Variants in KCNIP3 observed in about 807,000 individuals in gnomAD.
The protein encoded by KCNIP3 is calsenilin.
In KCNIP3, 28 loss-of-function variants were observed where a neutral mutation model predicts 35.0. The ratio of observed to expected loss-of-function variants is 0.80; its 90% CI spans 0.59 to 1.10. The LOEUF is 1.10. Among genes scored for constraint, KCNIP3 ranks in the 50% least tolerant of loss-of-function variants. The pLI, the probability that KCNIP3 is intolerant of heterozygous loss-of-function variation, is 0.00. For synonymous variants in KCNIP3, 134 were observed against 133.8 expected (o/e 1.00, Z -0.01); for missense variants, 295 against 338.4 (o/e 0.87, Z 1.01).
Position 95,338,632 on chromosome 2 carries a change from C to T in KCNIP3, c.181+28112C>T, listed in dbSNP as rs78962068. ...GTAATTCTGTGGCAAAGAACACTGTCGCCCCCAATGAAATTAGACTTGATG... is the reference window on the plus strand; with the variant it reads ...GTAATTCTGTGGCAAAGAACACTGTTGCCCCCAATGAAATTAGACTTGATG... On this transcript the variant is annotated intron_variant, in intron 2 of 8. Coordinates refer to ENST00000295225, the MANE Select transcript of KCNIP3 (RefSeq NM_013434.5). Among the ~76,000 whole-genome samples, 945 of 152,290 alleles carry T rather than the reference C, an allele frequency of 6.2e-3. 10 individuals are homozygous for T. Among genetic ancestry groups the T allele is most frequent in the African/African-American group, 0.022 (894 of 41,548 alleles).
At chr2:95,364,103 GC>G (rs1392747931) in intron 2 of KCNIP3, among the ~76,000 whole-genome samples, 1 of 152,146 alleles carries the variant, frequency 6.6e-6, no homozygotes, top group Non-Finnish European at 1.5e-5. Context: ...ATGTATCTAA[GC>G]TTTTGCCATT....
rs371878238 is a variant in KCNIP3 at position 95,382,391 on chromosome 2, C to G, written c.570C>G (p.Ile190Met). Residue 190 changes from isoleucine to methionine, a missense_variant, in exon 7 of 9, where the codon ATC becomes ATG. Physicochemically the swap from Ile to Met is conservative, Grantham distance 10. Coordinates refer to ENST00000295225, the MANE Select transcript of KCNIP3 (RefSeq NM_013434.5). This position sits in a 1 kb window ranked among gnomAD's most constrained non-coding sequence, Gnocchi z 4.5. ...GYITKEEMLAIMKSIYDMMGR... is the reference protein window; with the variant it reads ...GYITKEEMLAMMKSIYDMMGR... ...TCCCCCTCCAGGAGATGCTGGCCAT[C>G]ATGAAGTCCATCTATGACATGATGG... 3 of 1,594,508 alleles carry G rather than the reference C, an allele frequency of 1.9e-6. No individual in the cohort carries two copies. The highest frequency in any genetic ancestry group is 4.5e-5 in the East Asian group (2 of 44,020).
intron 1 of KCNIP3, among the ~76,000 whole-genome samples, chr2:95,307,495 G>T (rs1288852832): frequency 3.3e-5 from 5 of 152,222 alleles, no homozygotes; most frequent in African/African-American, 9.6e-5. Context: ...AATGGGGATC[G>T]TCTTACCGAT....
intron 2 of KCNIP3, among the ~76,000 whole-genome samples, chr2:95,353,869 G>A (rs1679588121): frequency 6.6e-6 from 1 of 152,178 alleles, no homozygotes; most frequent in African/African-American, 2.4e-5. Context: ...TGGCAACGTC[G>A]AGAGACATTT....
intron 1 of KCNIP3, among the ~76,000 whole-genome samples, chr2:95,309,428 CTTT>C (rs397734932): frequency 2.1e-5 from 3 of 140,806 alleles, no homozygotes; most frequent in African/African-American, 2.6e-5. Context: ...TGGCCCACTG[CTTT>C]TTTTTTTTTT....
chr2:95,298,828 C>T (rs1347220842), intron 1 of KCNIP3: 1 of 152,336 alleles, frequency 6.6e-6, no homozygotes, highest in African/African-American at 2.4e-5. Context: ...AACGTAGCGC[C>T]TTGCCCCAGG....
At chr2:95,353,276 C>T (rs1679573223) in intron 2 of KCNIP3, among the ~76,000 whole-genome samples, 1 of 152,212 alleles carries the variant, frequency 6.6e-6, no homozygotes, top group African/African-American at 2.4e-5. Flanking sequence ...CCAGCACTCC[C>T]CACACAACTG....
chr2:95,383,896 A>ACAGG, intron 8 of KCNIP3, 106 bp from the exon 9 acceptor site: 2 of 946,282 alleles, frequency 2.1e-6, no homozygotes, highest in African/African-American at 3.2e-5. Context: ...AGACAGACAG[A>ACAGG]CAGGCAGTCG....
In KCNIP3 at chr2:95,363,085, G is replaced by A. The variant is rs1679840434; in HGVS notation, c.182-11211G>A. On this transcript the variant is annotated intron_variant, in intron 2 of 8. Transcript: ENST00000295225. ...GCTATCTTCTTCTATTCTGTTGAGT[G>A]TCTCACTCTGACCTTTGTTGAACAG... Among the ~76,000 whole-genome samples the A allele has an allele frequency of 3.3e-5, 5 of 152,148 alleles. No homozygotes were observed. In the South Asian group the frequency reaches 1.0e-3, roughly 32 times the overall value.
chr2:95,365,073 CT>C (rs1489543311), intron 2 of KCNIP3, among the ~76,000 whole-genome samples: 1 of 151,884 alleles, frequency 6.6e-6, no homozygotes, highest in Non-Finnish European at 1.5e-5. Context: ...GAGTGAGACC[CT>C]GTCTCAAAAA....
At chr2:95,318,839 G>T (rs1017706163) in intron 2 of KCNIP3, among the ~76,000 whole-genome samples, 4 of 152,344 alleles carry the variant, frequency 2.6e-5, no homozygotes, top group Admixed American at 6.5e-5. Context: ...TTTCCAAAGA[G>T]AGATAAAATG....
At chr2:95,330,245 A>G (rs1450582338) in intron 2 of KCNIP3, among the ~76,000 whole-genome samples, 1 of 152,088 alleles carries the variant, frequency 6.6e-6, no homozygotes, top group Non-Finnish European at 1.5e-5. Context: ...CTGATTCTGA[A>G]TGGGTCCCTG....
At chr2:95,340,582 G>T (rs142922736) in intron 2 of KCNIP3, among the ~76,000 whole-genome samples, 1 of 152,190 alleles carries the variant, frequency 6.6e-6, no homozygotes, top group South Asian at 2.1e-4. Flanking sequence ...CAGCAATTTC[G>T]GCATGGCATG....
intron 2 of KCNIP3, among the ~76,000 whole-genome samples, chr2:95,334,023 C>T (rs896052452): frequency 1.3e-5 from 2 of 152,200 alleles, no homozygotes; most frequent in African/African-American, 4.8e-5. Context: ...TGGAAATTCC[C>T]CAAGACACCC....
In KCNIP3 at chr2:95,378,885, T is replaced by TAC. The variant is rs35062339; in HGVS notation, c.448-2699_448-2698dup. 0.22 allele frequency among the ~76,000 whole-genome samples: 33,074 copies of TAC among 150,546 alleles called. 4,179 individuals carry two copies. Among genetic ancestry groups the TAC allele is most frequent in the Admixed American group, 0.33 (4,920 of 15,050 alleles). On this transcript the variant is annotated intron_variant, in intron 5 of 8. Coordinates refer to ENST00000295225, the MANE Select transcript of KCNIP3 (RefSeq NM_013434.5). The surrounding 1 kb of genome is among the most constrained non-coding windows in gnomAD (Gnocchi z 4.0). ...ATATATACACACACACACATATATA[T>TAC]ACACACACACACATATATATATATA...
intron 6 of KCNIP3, among the ~76,000 whole-genome samples, chr2:95,381,977 CG>C (rs1190229384): frequency 6.6e-6 from 1 of 152,168 alleles, no homozygotes; most frequent in Non-Finnish European, 1.5e-5. Flanking sequence ...CAAAAGGCCT[CG>C]GGGAGATTTA....
intron 2 of KCNIP3, among the ~76,000 whole-genome samples, chr2:95,329,316 G>A (rs771883645): frequency 5.9e-5 from 9 of 152,248 alleles, no homozygotes; most frequent in Admixed American, 1.3e-4. Context: ...CCTGTACTTC[G>A]ACTAAGCCAA....
chr2:95,360,313 C>T (rs1679761525), intron 2 of KCNIP3, among the ~76,000 whole-genome samples: 1 of 152,198 alleles, frequency 6.6e-6, no homozygotes, highest in South Asian at 2.1e-4. Flanking sequence ...ATACCTTATT[C>T]CTCAATTCCC....
rs1382968776 is a variant in KCNIP3, at chr2:95,343,238, T to C, written c.182-31058T>C. On this transcript the variant is annotated intron_variant, in intron 2 of 8. Transcript: ENST00000295225. The stretch of plus-strand genomic sequence containing the variant: ...CAGGGTTTTGGCTGAACAGCTGAGA[T>C]GGGGAGACTTGGGAAGTGGCAGGTT... Among the ~76,000 whole-genome samples the C allele has an allele frequency of 2.6e-5, 4 of 152,014 alleles. No individual in the cohort carries two copies. The East Asian group carries it at 7.7e-4, about 29-fold the overall frequency.
Sources: gnomAD v4.1 joint callset for allele counts (sites outside exome capture counted in the v4.1 genomes callset) on GRCh38, gnomAD v4.1.1 for gene constraint, Gnocchi (gnomAD v3.1) non-coding constraint, MANE v1.5 for transcripts, NCBI Gene and HGNC (gene_info 2026-07-23, HGNC 2026-07-21) for gene names.